SCN1A: variants seen among roughly 807,000 people sequenced by gnomAD.
SCN1A encodes the protein sodium voltage-gated channel alpha subunit 1, also known as sodium channel protein type 1 subunit alpha.
A neutral mutation model predicts 193.7 loss-of-function variants in SCN1A; 13 were observed. That is an observed-to-expected ratio of 0.07 (90% CI 0.04 to 0.11). The LOEUF is 0.11. Among genes scored for constraint, SCN1A ranks in the 10% least tolerant of loss-of-function variants. SCN1A has a pLI of 1.00. For synonymous variants in SCN1A, 781 were observed against 843.6 expected (o/e 0.93, Z 1.29); for missense variants, 1,432 against 2,451.1 (o/e 0.58, Z 8.78).
At chr2:166,134,261 C>T (rs552795147) in intron 1 of SCN1A, among the ~76,000 whole-genome samples, 1 of 152,204 alleles carries the variant, frequency 6.6e-6, no homozygotes, top group South Asian at 2.1e-4. Context: ...TGTCCAAGGT[C>T]ACATAGATAG....
intron 19 of SCN1A, among the ~76,000 whole-genome samples, chr2:166,020,078 T>G (rs1693828695): frequency 6.6e-6 from 1 of 151,780 alleles, no homozygotes. Flanking sequence ...GCCCGGCTAA[T>G]TTTTTGTATT....
intron 23 of SCN1A, among the ~76,000 whole-genome samples, chr2:166,008,511 C>A (rs996981985): frequency 1.3e-5 from 2 of 150,866 alleles, no homozygotes; most frequent in Admixed American, 6.6e-5. Context: ...CTTATACACC[C>A]CAGAGATAAT....
chr2:166,139,374 G>A (rs935908026), intron 1 of SCN1A, among the ~76,000 whole-genome samples: 1 of 152,104 alleles, frequency 6.6e-6, no homozygotes, highest in Non-Finnish European at 1.5e-5. Flanking sequence ...GGAGGTAATT[G>A]AATCATGTGG....
At chr2:166,059,542 G>C (rs1683059598) in intron 4 of SCN1A, 1 of 152,090 alleles carries the variant, frequency 6.6e-6, no homozygotes, top group Admixed American at 6.6e-5. Flanking sequence ...TATAAAAAGG[G>C]CTCTGACTCA....
intron 2 of SCN1A, among the ~76,000 whole-genome samples, chr2:166,081,923 T>C (rs1685574305): frequency 6.6e-6 from 1 of 152,048 alleles, no homozygotes; most frequent in Non-Finnish European, 1.5e-5. Context: ...ACCAATTGAT[T>C]AGTGAACTGA....
At chr2:166,005,082 T>C (rs1427203460) in intron 23 of SCN1A, among the ~76,000 whole-genome samples, 1 of 151,408 alleles carries the variant, frequency 6.6e-6, no homozygotes, top group East Asian at 1.9e-4. Flanking sequence ...CTCCCACTTA[T>C]CTGGTACCCA....
rs559231035 is a variant in SCN1A, at chr2:166,022,715, A to G, written c.3430-6988T>C. On this transcript the variant is annotated intron_variant, in intron 19 of 28. Transcript: ENST00000674923. ...CACTCTGGTGATCATGTCACACCGA[A>G]TCATTTTAGAAAAGTTACAATGTTT... Among the ~76,000 whole-genome samples the G allele has an allele frequency of 7.9e-5, 12 of 152,312 alleles. No homozygotes were observed. In the South Asian group the frequency reaches 2.3e-3, roughly 29 times the overall value.
chr2:166,079,787 G>GTATTA (rs1339819134), intron 2 of SCN1A, among the ~76,000 whole-genome samples: 1 of 150,870 alleles, frequency 6.6e-6, no homozygotes, highest in Non-Finnish European at 1.5e-5. Flanking sequence ...CAGTTCAAAC[G>GTATTA]TATTATATAT....
rs1386734466 is a variant in SCN1A, at chr2:165,987,300, T to C, written c.*3945A>G. On this transcript the variant is annotated 3_prime_UTR_variant, in exon 29 of 29. Transcript: ENST00000674923. ...TCATAATTGATGATATCTTTGAAGG[T>C]ATTGTCTGCTGTATTTCTCCAAAGT... 8 of 152,152 alleles carry C rather than the reference T, an allele frequency of 5.3e-5. No individual in the cohort carries two copies. The highest frequency in any genetic ancestry group is 5.2e-4 in the Admixed American group (8 of 15,260). The allele number at this position is 152,152 out of a possible 1,614,324, so 9.4% of individuals were successfully genotyped here. A position where few individuals can be genotyped will look rare whatever the true frequency, so the allele number is the denominator to read the frequency against.
intron 2 of SCN1A, among the ~76,000 whole-genome samples, chr2:166,124,351 C>A (rs1487280276): frequency 6.6e-6 from 1 of 151,770 alleles, no homozygotes; most frequent in East Asian, 1.9e-4. Flanking sequence ...GAGATCGAGA[C>A]TAGCCGGGCC....
chr2:166,069,023 A>G (rs192003330), intron 4 of SCN1A, among the ~76,000 whole-genome samples: 69 of 152,320 alleles, frequency 4.5e-4, no homozygotes, highest in African/African-American at 1.6e-3. Flanking sequence ...GTAGGGCCAA[A>G]TGGTACAAAA....
intron 1 of SCN1A, among the ~76,000 whole-genome samples, chr2:166,139,415 G>A (rs1574647595): frequency 6.6e-6 from 1 of 152,142 alleles, no homozygotes; most frequent in South Asian, 2.1e-4. Flanking sequence ...TCTCATGATA[G>A]TGAATAAGTC....
upstream of SCN1A, among the ~76,000 whole-genome samples, chr2:166,128,301 T>A (rs1375146421): frequency 6.6e-6 from 1 of 152,162 alleles, no homozygotes; most frequent in Non-Finnish European, 1.5e-5. Flanking sequence ...AATATAGCTA[T>A]TTTCAAGTAG....
intron 23 of SCN1A, among the ~76,000 whole-genome samples, chr2:166,006,663 T>TAACA (rs1691703320): frequency 6.6e-6 from 1 of 151,344 alleles, no homozygotes. Flanking sequence ...TTTGCCTTGT[T>TAACA]AACATTTTGA....
intron 19 of SCN1A, among the ~76,000 whole-genome samples, chr2:166,024,971 T>C (rs1694555226): frequency 6.6e-6 from 1 of 152,232 alleles, no homozygotes. Context: ...TATTTTTCTA[T>C]TGGAGTATTA....
chr2:166,121,415 T>G (rs932600957), intron 2 of SCN1A, among the ~76,000 whole-genome samples: 11 of 152,220 alleles, frequency 7.2e-5, no homozygotes, highest in African/African-American at 1.7e-4. Context: ...GAATTCCTAA[T>G]TTTATATCCT....
upstream of SCN1A, among the ~76,000 whole-genome samples, chr2:166,129,149 A>C (rs1431622666): frequency 6.6e-6 from 1 of 152,100 alleles, no homozygotes; most frequent in African/African-American, 2.4e-5. Context: ...ATTATATTAT[A>C]ATTATTCCTA....
At chr2:166,055,075 AT>A (rs893119840) in intron 6 of SCN1A, among the ~76,000 whole-genome samples, 3 of 151,978 alleles carry the variant, frequency 2.0e-5, no homozygotes, top group African/African-American at 7.2e-5. Flanking sequence ...GTATGTTTAC[AT>A]GATGGAATAG....
intron 2 of SCN1A, among the ~76,000 whole-genome samples, chr2:166,097,986 G>A (rs1389343485): frequency 6.6e-6 from 1 of 152,174 alleles, no homozygotes; most frequent in Non-Finnish European, 1.5e-5. Context: ...TTGTTTGGAT[G>A]AAGTTTTCTT....
Sources: allele counts gnomAD v4.1 joint callset (sites outside exome capture counted in the v4.1 genomes callset), GRCh38; gene constraint gnomAD v4.1.1; transcripts MANE v1.5; gene names NCBI Gene and HGNC (gene_info 2026-07-23, HGNC 2026-07-21).